Variants in PTPN21 observed in about 807,000 individuals in gnomAD.
PTPN21 encodes protein tyrosine phosphatase non-receptor type 21, also known as tyrosine-protein phosphatase non-receptor type 21.
In PTPN21, 77 loss-of-function variants were observed where a neutral mutation model predicts 131.8. That is an observed-to-expected ratio of 0.58 (90% confidence interval 0.49 to 0.71). The LOEUF is 0.71. PTPN21 is among the 30% of genes least tolerant of loss of function. The pLI is 0.00. For synonymous variants in PTPN21, 715 were observed against 621.3 expected, an observed-to-expected ratio of 1.15 and a Z score of -2.24; for missense variants, 1,552 against 1,527.1, an observed-to-expected ratio of 1.02 and a Z score of -0.27.
intron 2 of PTPN21, among the ~76,000 whole-genome samples, chr14:88,537,106 A>G (rs1468857688): frequency 1.3e-5 from 2 of 152,214 alleles, no homozygotes; most frequent in Non-Finnish European, 2.9e-5. Flanking sequence ...GTAATATGCA[A>G]TATCATTATA....
chr14:88,529,732 AG>A (rs2078527790), intron 2 of PTPN21, among the ~76,000 whole-genome samples: 2 of 152,194 alleles, frequency 1.3e-5, no homozygotes, highest in Non-Finnish European at 2.9e-5. Flanking sequence ...CTGTAATCCC[AG>A]CACTTTAGGA....
At chr14:88,540,804 A>T (rs2078694802) in intron 2 of PTPN21, among the ~76,000 whole-genome samples, 2 of 152,264 alleles carry the variant, frequency 1.3e-5, no homozygotes, top group South Asian at 4.1e-4. Flanking sequence ...CTGGAACTAC[A>T]GGTATATGAC....
Position 88,496,483 on chromosome 14 carries a change from C to T in PTPN21, c.862G>A (p.Glu288Lys), listed in dbSNP as rs1312649441. 1 of 1,613,564 alleles carries T rather than the reference C, an allele frequency of 6.2e-7. No homozygotes were observed. The highest frequency in any genetic ancestry group is 8.5e-7 in the Non-Finnish European group (1 of 1,179,632). The change falls in exon 10 of 19, where the codon GAA (glutamate) becomes AAA (lysine). Residue 288 changes from glutamate to lysine, a missense_variant. Glu to Lys is a moderately conservative substitution (Grantham distance 56). Coordinates refer to ENST00000556564, the MANE Select transcript of PTPN21 (RefSeq NM_007039.4). The part of the protein sequence containing the change: ...ETIQFQTEDM[E>K]TAKYIWRLCV... The stretch of plus-strand genomic sequence containing the variant: ...AGTCTCCAAATGTATTTTGCTGTTT[C>T]CATGTCTTCCTAGCAAACAAAATAG...
rs1566802272 is a variant in PTPN21 at position 88,467,594 on chromosome 14, CATT to C, written c.*540_*542del. 1 of 152,130 alleles carries C rather than the reference CATT, an allele frequency of 6.6e-6. No homozygotes were observed. The highest frequency in any genetic ancestry group is 2.4e-5 in the African/African-American group (1 of 41,376). The allele number at this position is 152,130 out of a possible 1,614,324, so 9.4% of individuals were successfully genotyped here. A position where few individuals can be genotyped will look rare whatever the true frequency, so the allele number is the denominator to read the frequency against. ...ATAGTTTTCAGTTTGGCAACTAAAC[CATT>C]ATTAAGTACCCAAGGTTTTTAAAAA... is the stretch of plus-strand genomic sequence containing the variant. On this transcript the variant is annotated 3_prime_UTR_variant, in exon 19 of 19. Coordinates refer to ENST00000556564, the MANE Select transcript of PTPN21 (RefSeq NM_007039.4).
Position 88,474,020 on chromosome 14 carries a change from G to A in PTPN21, c.2512-218C>T, listed in dbSNP as rs576172007. ...AAGCCCTGATAAAGTCTTCCAGATA[G>A]AAGGTTTTGAAACACTATTGGTTAC... On this transcript the variant is annotated intron_variant, in intron 13 of 18. Coordinates refer to ENST00000556564, the MANE Select transcript of PTPN21 (RefSeq NM_007039.4). 1.6e-4 allele frequency: 64 copies of A among 406,624 alleles called. No homozygotes were observed. In the South Asian group the frequency reaches 2.7e-3, roughly 17 times the overall value. The allele number at this position is 406,624 out of a possible 1,614,324, so 25.2% of individuals were successfully genotyped here.
At chr14:88,525,016 G>C (rs2078453615) in intron 2 of PTPN21, among the ~76,000 whole-genome samples, 1 of 152,138 alleles carries the variant, frequency 6.6e-6, no homozygotes, top group African/African-American at 2.4e-5. Context: ...GCTGAGGCAG[G>C]AGGACTGCTT....
chr14:88,468,255 A>T lies in PTPN21; in HGVS notation c.3407T>A (p.Ile1136Asn), dbSNP rs1189971709. Reference sequence around the variant, plus strand: ...CCTCAGCATGTCCAGCACTCTCGGGATGTCCAGCACCTAGGTTGAGAGAAA... The same window carrying T: ...CCTCAGCATGTCCAGCACTCTCGGGTTGTCCAGCACCTAGGTTGAGAGAAA... ...ACLEHNEVLD[I>N]PRVLDMLRQQ... Residue 1136 changes from isoleucine to asparagine, a missense_variant, in exon 19 of 19, where the codon ATC (isoleucine) becomes AAC (asparagine). Ile to Asn is a moderately radical substitution (Grantham distance 149). Transcript: ENST00000556564. 6.2e-7 allele frequency: 1 copy of T among 1,605,624 alleles called. No individual in the cohort carries two copies. Among genetic ancestry groups the T allele is most frequent in the Non-Finnish European group, 8.5e-7 (1 of 1,175,924 alleles).
intron 7 of PTPN21, 70 bp downstream of exon 7, chr14:88,501,211 G>T: frequency 7.3e-7 from 1 of 1,363,976 alleles, no homozygotes; most frequent in Non-Finnish European, 1.0e-6. Context: ...GACATCCTTG[G>T]ATTTCCCCAT....
intron 6 of PTPN21, among the ~76,000 whole-genome samples, chr14:88,501,804 C>T (rs2078012386): frequency 6.7e-6 from 1 of 149,452 alleles, no homozygotes; most frequent in South Asian, 2.2e-4. Context: ...CATAGTGAGA[C>T]CCTGTCACTA....
intron 2 of PTPN21, among the ~76,000 whole-genome samples, chr14:88,533,328 C>T (rs1347518993): frequency 6.6e-6 from 1 of 152,120 alleles, no homozygotes; most frequent in Non-Finnish European, 1.5e-5. Context: ...ACCACAAATG[C>T]GATGGTGGTC....
In PTPN21 at chr14:88,493,538, C is replaced by T. The variant is rs559551005; in HGVS notation, c.932+2875G>A. Among the ~76,000 whole-genome samples, 672 of 152,278 alleles carry T rather than the reference C, an allele frequency of 4.4e-3. 11 individuals carry two copies. The highest frequency in any genetic ancestry group is 0.015 in the African/African-American group (626 of 41,558). On this transcript the variant is annotated intron_variant, in intron 10 of 18. Transcript: ENST00000556564. ...TCTGCCCTTAATCCTGTACCCAGGA[C>T]GGGGCGGGTGAGAGGCACATGCTCA...
In PTPN21 at chr14:88,469,910, A is replaced by G. The variant is rs2297128; in HGVS notation, c.3000+12T>C. The G allele has an allele frequency of 0.25, 405,823 of 1,612,854 alleles. 52,199 individuals are homozygous for G. Among genetic ancestry groups the G allele is most frequent in the East Asian group, 0.29 (13,010 of 44,872 alleles). ...AGGCTGAGAAAATCACTTAAGAGAA[A>G]TAAGTACCTACCTCTTCTGCTGTCA... On this transcript the variant is annotated intron_variant, in intron 16 of 18. Coordinates refer to ENST00000556564, the MANE Select transcript of PTPN21 (RefSeq NM_007039.4). This position sits in a 1 kb window ranked among gnomAD's most constrained non-coding sequence, Gnocchi z 4.3.
intron 2 of PTPN21, among the ~76,000 whole-genome samples, chr14:88,526,460 G>A (rs2078477568): frequency 6.9e-6 from 1 of 145,506 alleles, no homozygotes; most frequent in Non-Finnish European, 1.5e-5. Flanking sequence ...TGAGGCAGGA[G>A]AATCGCTTGA....
chr14:88,472,729 G>T (rs1055368283), intron 14 of PTPN21, among the ~76,000 whole-genome samples: 2 of 152,088 alleles, frequency 1.3e-5, no homozygotes, highest in African/African-American at 4.8e-5. Context: ...AACGAGCCAG[G>T]TGTGGTGGTG....
chr14:88,470,085 G>A, intron 15 of PTPN21, 35 bp from the exon 16 acceptor site: 1 of 1,601,022 alleles, frequency 6.2e-7, no homozygotes, highest in Non-Finnish European at 8.6e-7. Flanking sequence ...ATTGATGTGT[G>A]GGTATAATAT....
At chr14:88,504,536 C>G (rs937589315) in intron 5 of PTPN21, 41 bp from the exon 6 acceptor site, 9 of 1,511,976 alleles carry the variant, frequency 6.0e-6, no homozygotes, top group Admixed American at 3.4e-5. Context: ...ACAATTCACC[C>G]CAATTTCTTA....
intron 2 of PTPN21, among the ~76,000 whole-genome samples, chr14:88,534,684 G>A (rs1462188243): frequency 6.6e-6 from 1 of 151,930 alleles, no homozygotes; most frequent in Admixed American, 6.6e-5. Flanking sequence ...GACAAGCCTG[G>A]CCAACATGTT....
At position 88,469,612 on chromosome 14, in the gene PTPN21, G is replaced by T; in HGVS notation, c.3122C>A (p.Thr1041Asn). The change falls in exon 17 of 19, where the codon ACC becomes AAC. Residue 1041 changes from threonine to asparagine, a missense_variant. By Grantham distance (65) the Thr-to-Asn change is moderately conservative (BLOSUM62 0). Transcript: ENST00000556564. The surrounding 1 kb of genome is among the most constrained non-coding windows in gnomAD (Gnocchi z 4.3). ...GAGGTGCTTCATCTTCAGGCCTGTG[G>T]TGGCATAGCAGCCAGAGTCTGTGCG... ...RFRTDSGCYATTGLKMKHLLT... is the reference protein window; with the variant it reads ...RFRTDSGCYANTGLKMKHLLT... The T allele has an allele frequency of 6.2e-7, 1 of 1,614,146 alleles. No homozygotes were observed. The highest frequency in any genetic ancestry group is 2.2e-5 in the East Asian group (1 of 44,874).
chr14:88,538,752 A>C (rs189284660), intron 2 of PTPN21, among the ~76,000 whole-genome samples: 19 of 152,318 alleles, frequency 1.2e-4, no homozygotes, highest in African/African-American at 4.3e-4. Flanking sequence ...AAGGAGTCAG[A>C]ACTACTCTAG....
Sources: gnomAD v4.1 joint callset for allele counts (sites outside exome capture counted in the v4.1 genomes callset) on GRCh38, gnomAD v4.1.1 for gene constraint, Gnocchi (gnomAD v3.1) non-coding constraint, MANE v1.5 for transcripts, NCBI Gene and HGNC (gene_info 2026-07-23, HGNC 2026-07-21) for gene names.